TAOK1: variants seen among roughly 807,000 people sequenced by gnomAD.
The protein encoded by TAOK1 is TAO kinase 1.
TAOK1 carries 21 observed loss-of-function variants against 138.3 expected under a neutral mutation model. The ratio of observed to expected loss-of-function variants is 0.15; its 90% confidence interval spans 0.11 to 0.22. The LOEUF is 0.22. TAOK1 is among the 10% of genes least tolerant of loss of function. The pLI, the probability that TAOK1 is intolerant of heterozygous loss-of-function variation, is 1.00. For synonymous variants in TAOK1, 361 were observed against 398.4 expected, an observed-to-expected ratio of 0.91 and a Z score of 1.12; for missense variants, 651 against 1,227.7, an observed-to-expected ratio of 0.53 and a Z score of 7.02.
chr17:29,434,435 C>A (rs984397873), intron 1 of TAOK1, among the ~76,000 whole-genome samples: 5 of 152,004 alleles, frequency 3.3e-5, no homozygotes, highest in Non-Finnish European at 5.9e-5. Flanking sequence ...GGGAAGCAGG[C>A]CTCCCTGGTT....
Position 29,522,322 on chromosome 17 carries a change from A to G in TAOK1, c.1951A>G (p.Met651Val). The G allele has an allele frequency of 6.2e-7, 1 of 1,614,244 alleles. No homozygotes were observed. ...GACTCAGAAGGACTTAGAGCATGCC[A>G]TGCTACTCCGACAGCATGAATCTAT... ...RQTQKDLEHA[M>V]LLRQHESMQE... The change falls in exon 17 of 20, where the codon ATG becomes GTG. Residue 651 changes from methionine (M) to valine (V), a missense_variant. Physicochemically the swap from Met to Val is conservative, Grantham distance 21. Around this residue, in one of 8 missense-constraint regions of TAOK1, gnomAD observed 258 missense variants for 548.9 expected, o/e 0.47. Transcript: ENST00000261716.
At chr17:29,450,332 G>A (rs529533023) in intron 1 of TAOK1, among the ~76,000 whole-genome samples, 123 of 152,192 alleles carry the variant, frequency 8.1e-4, no homozygotes, top group South Asian at 3.5e-3. Flanking sequence ...AGTGATCCTT[G>A]CACTTTGACC....
chr17:29,396,288 G>C (rs1008166805), intron 1 of TAOK1, among the ~76,000 whole-genome samples: 6 of 152,008 alleles, frequency 3.9e-5, no homozygotes, highest in Admixed American at 6.6e-5. Context: ...TACAGTCTAA[G>C]GCTATACCTT....
intron 13 of TAOK1, among the ~76,000 whole-genome samples, chr17:29,503,147 A>G (rs527464678): frequency 1.3e-5 from 2 of 152,328 alleles, no homozygotes; most frequent in African/African-American, 2.4e-5. Context: ...CTGTAATCCC[A>G]GCACTTTGGG....
At chr17:29,410,802 A>G (rs1905123783) in intron 1 of TAOK1, among the ~76,000 whole-genome samples, 1 of 145,874 alleles carries the variant, frequency 6.9e-6, no homozygotes, top group Admixed American at 6.9e-5. Context: ...CGCCTGGCTA[A>G]CGTATTTTTT....
At chr17:29,430,451 A>G (rs1905789001) in intron 1 of TAOK1, among the ~76,000 whole-genome samples, 2 of 152,148 alleles carry the variant, frequency 1.3e-5, no homozygotes, top group Non-Finnish European at 2.9e-5. Flanking sequence ...AAACTTTGTA[A>G]CTTCGCATCT....
intron 17 of TAOK1, among the ~76,000 whole-genome samples, chr17:29,525,595 A>T (rs955478030): frequency 1.2e-3 from 175 of 151,812 alleles, no homozygotes; most frequent in Non-Finnish European, 1.9e-3. Flanking sequence ...GGGTTTCACC[A>T]TGTTGGCCCT....
intron 13 of TAOK1, among the ~76,000 whole-genome samples, chr17:29,504,913 A>G (rs1030721542): frequency 9.9e-5 from 15 of 152,198 alleles, no homozygotes; most frequent in Admixed American, 6.5e-4. Flanking sequence ...TAATTTTTGC[A>G]TGACTATTTT....
chr17:29,406,852 G>A (rs938930107), intron 1 of TAOK1, among the ~76,000 whole-genome samples: 4 of 152,150 alleles, frequency 2.6e-5, no homozygotes, highest in Non-Finnish European at 5.9e-5. Flanking sequence ...ACAGGTGTGA[G>A]CTACCATGCT....
intron 17 of TAOK1, among the ~76,000 whole-genome samples, chr17:29,526,861 G>T (rs906449054): frequency 4.2e-5 from 6 of 144,244 alleles, no homozygotes; most frequent in African/African-American, 1.5e-4. Context: ...AGGCACAGTG[G>T]CTCACGGCTG....
chr17:29,537,632 C>T (rs920760834), intron 19 of TAOK1, among the ~76,000 whole-genome samples: 10 of 150,052 alleles, frequency 6.7e-5, no homozygotes, highest in Non-Finnish European at 1.0e-4. Flanking sequence ...GCTGAGATTA[C>T]AGGCATGAGC....
At chr17:29,533,675 C>A (rs2032169987) in intron 18 of TAOK1, among the ~76,000 whole-genome samples, 1 of 151,762 alleles carries the variant, frequency 6.6e-6, no homozygotes, top group African/African-American at 2.4e-5. Context: ...CCCGTCTCCA[C>A]CAAAAAAATA....
chr17:29,503,254 G>A (rs2031565601), intron 13 of TAOK1, among the ~76,000 whole-genome samples: 1 of 151,984 alleles, frequency 6.6e-6, no homozygotes, highest in Non-Finnish European at 1.5e-5. Flanking sequence ...AAATTAGCCG[G>A]GCGTGGTGGC....
intron 3 of TAOK1, among the ~76,000 whole-genome samples, chr17:29,469,329 C>A (rs1008838334): frequency 6.8e-6 from 1 of 146,666 alleles, no homozygotes; most frequent in Non-Finnish European, 1.5e-5. Context: ...TGGTAAAATA[C>A]AACATAAAAT....
intron 14 of TAOK1, among the ~76,000 whole-genome samples, chr17:29,509,826 G>A (rs2031688906): frequency 6.6e-6 from 1 of 151,390 alleles, no homozygotes; most frequent in South Asian, 2.1e-4. Context: ...AGCTCAGGAG[G>A]AGGCTGCAAT....
At chr17:29,461,860 C>T (rs1033949534) in intron 2 of TAOK1, among the ~76,000 whole-genome samples, 6 of 151,936 alleles carry the variant, frequency 3.9e-5, no homozygotes, top group African/African-American at 1.5e-4. Flanking sequence ...GGTTAATTAA[C>T]TCAAAGCAGG....
intron 1 of TAOK1, among the ~76,000 whole-genome samples, chr17:29,401,647 C>CT (rs1673153311): frequency 7.7e-6 from 1 of 130,672 alleles, no homozygotes; most frequent in African/African-American, 3.1e-5. Flanking sequence ...AACCATATCA[C>CT]TTTCTTTTTC....
intron 1 of TAOK1, among the ~76,000 whole-genome samples, chr17:29,415,003 G>A (rs983583883): frequency 6.6e-6 from 1 of 151,072 alleles, no homozygotes; most frequent in African/African-American, 2.4e-5. Flanking sequence ...TCGCTCTGTT[G>A]CCCAGGTTGG....
At chr17:29,533,759 CAAG>C (rs1167969892) in intron 18 of TAOK1, among the ~76,000 whole-genome samples, 1 of 117,542 alleles carries the variant, frequency 8.5e-6, no homozygotes, top group East Asian at 2.7e-4. Flanking sequence ...GAGAATCAGG[CAAG>C]GAGGTTGCAG....
Sources: gnomAD v4.1 joint callset for allele counts (sites outside exome capture counted in the v4.1 genomes callset) on GRCh38, gnomAD v4.1.1 for gene constraint, gnomAD v4.1.1 regional missense constraint, MANE v1.5 for transcripts, NCBI Gene and HGNC (gene_info 2026-07-23, HGNC 2026-07-21) for gene names.